Variants in AKAP9 observed in about 807,000 individuals in gnomAD.
AKAP9 encodes the protein A-kinase anchor protein 9.
A neutral mutation model predicts 488.5 loss-of-function variants in AKAP9; 311 were observed. The observed-to-expected ratio is 0.64, with a 90% CI of 0.58 to 0.70. The LOEUF is 0.70. AKAP9 is among the 30% of genes least tolerant of loss of function. AKAP9 has a pLI of 0.00. For synonymous variants in AKAP9, 1,462 were observed against 1,483.5 expected (o/e 0.99, Z 0.33); for missense variants, 4,215 against 4,374.5 (o/e 0.96, Z 1.03).
At chr7:92,030,821 AT>A (rs1804115870) in intron 15 of AKAP9, among the ~76,000 whole-genome samples, 1 of 151,920 alleles carries the variant, frequency 6.6e-6, no homozygotes, top group East Asian at 1.9e-4. Context: ...ATTATTCTAA[AT>A]TTCTCACACC....
chr7:92,102,388 C>A (rs2130912982), intron 45 of AKAP9, among the ~76,000 whole-genome samples: 1 of 151,282 alleles, frequency 6.6e-6, no homozygotes, highest in South Asian at 2.1e-4. Context: ...GTTAATTTAT[C>A]TGAAATTTCA....
At chr7:92,084,404 T>C (rs1814137806) in intron 33 of AKAP9, among the ~76,000 whole-genome samples, 1 of 152,162 alleles carries the variant, frequency 6.6e-6, no homozygotes, top group African/African-American at 2.4e-5. Flanking sequence ...TAATATATGA[T>C]GTTCCTGTAT....
At chr7:91,985,473 C>T (rs946493891) in intron 3 of AKAP9, among the ~76,000 whole-genome samples, 2 of 152,118 alleles carry the variant, frequency 1.3e-5, no homozygotes, top group African/African-American at 4.8e-5. Context: ...CTGACTTGAT[C>T]ACGGTGGATA....
At chr7:91,980,495 C>CTTTTTTTTTTTTTTTTTTTTATTTTTTT (rs1796262886) in intron 3 of AKAP9, among the ~76,000 whole-genome samples, 162 bp downstream of exon 3, 1 of 48,756 alleles carries the variant, frequency 2.1e-5, no homozygotes, top group African/African-American at 9.3e-5. Context: ...GTATTACTGA[C>CTTTTTTTTTTTTTTTTTTTTATTTTTTT]TTTTTTTTTT....
intron 3 of AKAP9, among the ~76,000 whole-genome samples, chr7:91,987,148 C>T (rs1399836272): frequency 6.6e-6 from 1 of 152,022 alleles, no homozygotes; most frequent in African/African-American, 2.4e-5. Context: ...GGCACGGTGG[C>T]TCATTCATGC....
chr7:92,077,612 A>T, intron 29 of AKAP9, 84 bp from the exon 30 acceptor site: 1 of 1,158,422 alleles, frequency 8.6e-7, no homozygotes, highest in Non-Finnish European at 1.3e-6. Context: ...TTTGTACGTT[A>T]TAGGCTCTGA....
chr7:92,098,831 G>T (rs774707353), intron 43 of AKAP9, among the ~76,000 whole-genome samples: 2 of 152,236 alleles, frequency 1.3e-5, no homozygotes, highest in Non-Finnish European at 2.9e-5. Flanking sequence ...TGCCAGATAG[G>T]TTCTGGAGAT....
intron 6 of AKAP9, 54 bp downstream of exon 6, chr7:91,994,830 A>G: frequency 2.0e-6 from 3 of 1,529,032 alleles, no homozygotes; most frequent in Non-Finnish European, 1.8e-6. Flanking sequence ...TGAATTTTAA[A>G]AATTCACTTT....
At chr7:92,010,430 C>T (rs1025836326) in intron 8 of AKAP9, among the ~76,000 whole-genome samples, 5 of 152,212 alleles carry the variant, frequency 3.3e-5, no homozygotes, top group African/African-American at 7.2e-5. Context: ...AATAAATGCC[C>T]GCAGGGCCAG....
At chr7:91,968,543 A>G (rs957577608) in intron 1 of AKAP9, among the ~76,000 whole-genome samples, 3 of 152,066 alleles carry the variant, frequency 2.0e-5, no homozygotes, top group Non-Finnish European at 4.4e-5. Flanking sequence ...CAGAAAAGCA[A>G]CTTTTTGTTT....
chr7:92,023,081 G>T, intron 14 of AKAP9, 72 bp downstream of exon 14: 2 of 1,522,690 alleles, frequency 1.3e-6, no homozygotes, highest in Non-Finnish European at 1.8e-6. Flanking sequence ...ATCCAGAATG[G>T]TTATTTAAAA....
chr7:92,005,694 CT>C (rs751120185), intron 8 of AKAP9, among the ~76,000 whole-genome samples: 2 of 152,076 alleles, frequency 1.3e-5, no homozygotes, highest in Non-Finnish European at 2.9e-5. Context: ...GAGACCGAGT[CT>C]CACTCTGTCA....
chr7:92,054,625 T>C, intron 22 of AKAP9, among the ~76,000 whole-genome samples: 1 of 152,124 alleles, frequency 6.6e-6, no homozygotes, highest in Non-Finnish European at 1.5e-5. Context: ...ATAGGCTGAT[T>C]GGGTGATTTC....
intron 24 of AKAP9, chr7:92,063,365 G>A (rs545964115): frequency 3.9e-5 from 22 of 561,598 alleles, no homozygotes; most frequent in South Asian, 1.5e-4. Flanking sequence ...TTTTTGATAC[G>A]TGTGTGTGCA....
chr7:92,091,017 G>A (rs1408890056), intron 38 of AKAP9, among the ~76,000 whole-genome samples: 2 of 152,168 alleles, frequency 1.3e-5, no homozygotes, highest in African/African-American at 4.8e-5. Context: ...CTGTTCTCTA[G>A]TTCCTGAAGG....
Position 92,052,893 on chromosome 7 carries a change from A to G in AKAP9, c.5536A>G (p.Ile1846Val), listed in dbSNP as rs750944842. The G allele has an allele frequency of 4.3e-6, 7 of 1,613,872 alleles. No homozygotes were observed. The highest frequency in any genetic ancestry group is 1.3e-5 in the African/African-American group (1 of 75,054). The change falls in exon 22 of 50, where the codon ATT becomes GTT. Residue 1846 changes from isoleucine to valine, a missense_variant. Coordinates refer to ENST00000356239, the MANE Select transcript of AKAP9 (RefSeq NM_005751.5). ...TGAAAATGAAGAACTTATGCTGAAC[A>G]TTAGCTCTCGACTACAAGCAGCAGT... ...DPENEELMLN[I>V]SSRLQAAVEK... is the part of the protein sequence containing the mutation.
chr7:92,061,952 T>C (rs1809922762), intron 23 of AKAP9, among the ~76,000 whole-genome samples: 1 of 152,136 alleles, frequency 6.6e-6, no homozygotes, highest in Admixed American at 6.5e-5. Context: ...TGTATTAAGC[T>C]TTTCAGAAAC....
intron 1 of AKAP9, among the ~76,000 whole-genome samples, chr7:91,973,112 C>A (rs763589126): frequency 1.3e-5 from 2 of 152,160 alleles, no homozygotes; most frequent in African/African-American, 2.4e-5. Context: ...CACTGGCTCA[C>A]GTCTGTAATC....
chr7:92,085,696 G>GAT lies in AKAP9; in HGVS notation c.9024+11_9024+12insTA. 1 of 1,592,182 alleles carries GAT rather than the reference G, an allele frequency of 6.3e-7. No homozygotes were observed. On this transcript the variant is annotated intron_variant, in intron 36 of 49. Coordinates refer to ENST00000356239, the MANE Select transcript of AKAP9 (RefSeq NM_005751.5). ...GCAAAGAGAAGCCGAGGTAACCAAA[G>GAT]AATACTATGCATTTAAATCATTTTA... is the stretch of plus-strand genomic sequence containing the variant.
Sources: gnomAD v4.1 joint callset for allele counts (sites outside exome capture counted in the v4.1 genomes callset) on GRCh38, gnomAD v4.1.1 for gene constraint, MANE v1.5 for transcripts, NCBI Gene and HGNC (gene_info 2026-07-23, HGNC 2026-07-21) for gene names.